DPYD: variants seen among roughly 807,000 people sequenced by gnomAD.
DPYD encodes the protein dihydropyrimidine dehydrogenase [NADP(+)].
A neutral mutation model predicts 116.2 loss-of-function variants in DPYD; 109 were observed. The ratio of observed to expected loss-of-function variants is 0.94; its 90% CI spans 0.80 to 1.10. DPYD has a LOEUF of 1.10. Among genes scored for constraint, DPYD ranks in the 50% least tolerant of loss-of-function variants. The pLI is 0.00. For synonymous variants in DPYD, 440 were observed against 432.0 expected, an observed-to-expected ratio of 1.02 and a Z score of -0.23; for missense variants, 1,302 against 1,254.5, an observed-to-expected ratio of 1.04 and a Z score of -0.57.
intron 11 of DPYD, among the ~76,000 whole-genome samples, 187 bp from the exon 12 acceptor site, chr1:97,549,931 G>T (rs927575798): frequency 1.3e-5 from 2 of 152,174 alleles, no homozygotes; most frequent in Non-Finnish European, 1.5e-5. Context: ...GAAGGGCACT[G>T]ACTTAACTTT....
intron 14 of DPYD, among the ~76,000 whole-genome samples, chr1:97,437,824 C>T (rs1352662693): frequency 1.3e-5 from 2 of 151,878 alleles, no homozygotes; most frequent in Admixed American, 1.3e-4. Context: ...TAACAAAGGT[C>T]AAAAGTTTTC....
chr1:97,296,817 G>C (rs1432391127), intron 18 of DPYD, among the ~76,000 whole-genome samples: 1 of 151,970 alleles, frequency 6.6e-6, no homozygotes, highest in Non-Finnish European at 1.5e-5. Context: ...GTTTAAGGAG[G>C]AAAAAAGAGG....
In DPYD at chr1:97,883,055, C is replaced by A. The variant is rs901423774; in HGVS notation, c.150+209G>T. Among the ~76,000 whole-genome samples the A allele has an allele frequency of 4.6e-5, 7 of 151,990 alleles. No individual in the cohort carries two copies. The South Asian group carries it at 1.0e-3, about 23-fold the overall frequency. ...GAATTTTCAGATTTGGGTTACTCAA[C>A]CTGTATATAATTTGTATTTCAGGAG... On this transcript the variant is annotated intron_variant, in intron 2 of 22. Transcript: ENST00000370192.
chr1:97,746,936 G>A (rs912258154), intron 3 of DPYD, among the ~76,000 whole-genome samples: 1 of 151,336 alleles, frequency 6.6e-6, no homozygotes, highest in Non-Finnish European at 1.5e-5. Flanking sequence ...GTTGTTAGTG[G>A]TGTGTGTTTT....
At chr1:97,544,135 G>C (rs1462470905) in intron 12 of DPYD, among the ~76,000 whole-genome samples, 2 of 152,186 alleles carry the variant, frequency 1.3e-5, no homozygotes, top group East Asian at 3.8e-4. Context: ...GATGACTCTG[G>C]CTGCAGTGTA....
chr1:97,743,742 T>C (rs1664392968), intron 3 of DPYD, among the ~76,000 whole-genome samples: 1 of 152,144 alleles, frequency 6.6e-6, no homozygotes, highest in Non-Finnish European at 1.5e-5. Flanking sequence ...ATGTCAACAA[T>C]TATCGTAAAC....
In DPYD at chr1:97,699,568, A is replaced by C. The variant is rs779888444; in HGVS notation, c.484-21T>G. 1.9e-6 allele frequency: 3 copies of C among 1,612,030 alleles called. No homozygotes were observed. The South Asian group carries it at 3.3e-5, about 18-fold the overall frequency. ...AATACCTACGGGGAAATCAATTGTC[A>C]TGGTTAAAATTTTGAAACTAGCTTA... is the stretch of plus-strand genomic sequence containing the variant. On this transcript the variant is annotated intron_variant, in intron 5 of 22. Coordinates refer to ENST00000370192, the MANE Select transcript of DPYD (RefSeq NM_000110.4).
chr1:97,269,036 G>T (rs1664408349), intron 18 of DPYD, among the ~76,000 whole-genome samples: 1 of 152,092 alleles, frequency 6.6e-6, no homozygotes, highest in Non-Finnish European at 1.5e-5. Flanking sequence ...CCACCATATA[G>T]CACCTTGAAT....
At chr1:97,345,915 C>T (rs1005930357) in intron 16 of DPYD, among the ~76,000 whole-genome samples, 8 of 151,710 alleles carry the variant, frequency 5.3e-5, no homozygotes, top group Non-Finnish European at 1.2e-4. Context: ...ACAAGACTTT[C>T]CCAACATGTT....
intron 8 of DPYD, among the ~76,000 whole-genome samples, chr1:97,599,167 C>G (rs1408423054): frequency 1.3e-5 from 2 of 152,196 alleles, no homozygotes; most frequent in African/African-American, 4.8e-5. Context: ...AGTACAATCC[C>G]TTTCTGAAAT....
In DPYD at chr1:97,472,085, T is replaced by C. The variant is rs146511060; in HGVS notation, c.1741-21862A>G. ...CATACAAAAAATCTATTTTTACTTA[T>C]CTGAAGAACAGTCATAGAGAGGGAG... On this transcript the variant is annotated intron_variant, in intron 13 of 22. Transcript: ENST00000370192. Among the ~76,000 whole-genome samples, 567 of 152,352 alleles carry C rather than the reference T, an allele frequency of 3.7e-3. 2 individuals are homozygous for C. The highest frequency in any genetic ancestry group is 0.017 in the Middle Eastern group (5 of 294).
chr1:97,683,757 A>C (rs1660557898), intron 7 of DPYD, among the ~76,000 whole-genome samples: 1 of 152,094 alleles, frequency 6.6e-6, no homozygotes, highest in Non-Finnish European at 1.5e-5. Context: ...ATGCTTGATA[A>C]ATTTAAAAAA....
At chr1:97,277,649 C>A (rs941055736) in intron 18 of DPYD, among the ~76,000 whole-genome samples, 6 of 152,090 alleles carry the variant, frequency 3.9e-5, no homozygotes, top group African/African-American at 1.4e-4. Flanking sequence ...ACACAACATT[C>A]TCCCTCCTCC....
chr1:97,166,050 T>C (rs1187765562), intron 20 of DPYD, among the ~76,000 whole-genome samples: 1 of 152,138 alleles, frequency 6.6e-6, no homozygotes, highest in Non-Finnish European at 1.5e-5. Context: ...AGAACTACCA[T>C]TCAACCCAGC....
At chr1:97,178,279 A>AAC (rs1657425786) in intron 20 of DPYD, among the ~76,000 whole-genome samples, 1 of 152,178 alleles carries the variant, frequency 6.6e-6, no homozygotes, top group African/African-American at 2.4e-5. Context: ...GGAAGTGAAG[A>AAC]ACACAAAAAA....
chr1:97,558,851 G>A (rs865956423), intron 11 of DPYD, among the ~76,000 whole-genome samples: 1 of 152,066 alleles, frequency 6.6e-6, no homozygotes, highest in African/African-American at 2.4e-5. Flanking sequence ...TATTTAAGAC[G>A]CTGAACTCCT....
chr1:97,507,030 C>A (rs1647390150), intron 13 of DPYD, among the ~76,000 whole-genome samples: 1 of 151,968 alleles, frequency 6.6e-6, no homozygotes, highest in African/African-American at 2.4e-5. Flanking sequence ...CATACAGGTT[C>A]TTTTGTTGAT....
At chr1:97,694,839 C>G (rs982773495) in intron 6 of DPYD, among the ~76,000 whole-genome samples, 1 of 152,172 alleles carries the variant, frequency 6.6e-6, no homozygotes, top group Non-Finnish European at 1.5e-5. Context: ...ACAATGTCCT[C>G]TGCCAAAATA....
chr1:97,232,401 TG>T (rs1403917261), intron 19 of DPYD, among the ~76,000 whole-genome samples: 8 of 152,330 alleles, frequency 5.3e-5, no homozygotes, highest in African/African-American at 1.9e-4. Flanking sequence ...CTGCCCTCTT[TG>T]GAAGTCTACC....
Sources: gnomAD v4.1 joint callset for allele counts (sites outside exome capture counted in the v4.1 genomes callset) on GRCh38, gnomAD v4.1.1 for gene constraint, MANE v1.5 for transcripts, NCBI Gene and HGNC (gene_info 2026-07-23, HGNC 2026-07-21) for gene names.